SLC16A4: variants seen among roughly 807,000 people sequenced by gnomAD.
SLC16A4 encodes solute carrier family 16 member 4.
A neutral mutation model predicts 47.9 loss-of-function variants in SLC16A4; 39 were observed. That is an observed-to-expected ratio of 0.81 (90% CI 0.63 to 1.06). SLC16A4 has a LOEUF of 1.06. SLC16A4 is among the 50% of genes least tolerant of loss of function. The probability of loss-of-function intolerance (pLI) is 0.00; values close to 1 mark genes in which losing one functional copy is unlikely to be tolerated. For synonymous variants in SLC16A4, 189 were observed against 199.9 expected (o/e 0.95, Z 0.46); for missense variants, 524 against 573.8 (o/e 0.91, Z 0.89).
intron 8 of SLC16A4, among the ~76,000 whole-genome samples, chr1:110,368,980 AGTCTCGCCCTGTC>A (rs1486240426): frequency 3.5e-5 from 5 of 144,282 alleles, no homozygotes; most frequent in Non-Finnish European, 6.0e-5. Context: ...TTTGAGATGG[AGTCTCGCCCTGTC>A]GCCCAGGCTG....
At chr1:110,382,585 T>C (rs1662467295) in intron 3 of SLC16A4, among the ~76,000 whole-genome samples, 1 of 152,218 alleles carries the variant, frequency 6.6e-6, no homozygotes, top group African/African-American at 2.4e-5. Flanking sequence ...GGAAAGGCAA[T>C]GCATGAAATA....
intron 3 of SLC16A4, among the ~76,000 whole-genome samples, chr1:110,382,574 T>C (rs551861919): frequency 6.6e-6 from 1 of 152,324 alleles, no homozygotes; most frequent in African/African-American, 2.4e-5. Context: ...ATTAACAGAC[T>C]GGAAAGGCAA....
chr1:110,382,978 C>A lies in SLC16A4; in HGVS notation c.88-12G>T. 6.3e-7 allele frequency: 1 copy of A among 1,591,150 alleles called. No homozygotes were observed. The stretch of plus-strand genomic sequence containing the variant: ...ACAAACACATTCACCTAAATCAAAG[C>A]AGACCAGAGTCCAACTCAGGTGGTA... On this transcript the variant is annotated splice_polypyrimidine_tract_variant and intron_variant, in intron 2 of 8. Coordinates refer to ENST00000369779, the MANE Select transcript of SLC16A4 (RefSeq NM_004696.3).
intron 1 of SLC16A4, 123 bp from the exon 2 acceptor site, chr1:110,389,478 G>A (rs1244534597): frequency 1.5e-6 from 1 of 663,888 alleles, no homozygotes; most frequent in African/African-American, 1.8e-5. Flanking sequence ...CAGCCACTGT[G>A]CAACGCAGTT....
chr1:110,386,206 C>T (rs935153813), intron 2 of SLC16A4, among the ~76,000 whole-genome samples: 3 of 152,168 alleles, frequency 2.0e-5, no homozygotes, highest in East Asian at 1.9e-4. Flanking sequence ...TAACTGAGTC[C>T]GTGTCCACTA....
chr1:110,376,904 G>A, intron 7 of SLC16A4, 46 bp downstream of exon 7: 1 of 1,475,618 alleles, frequency 6.8e-7, no homozygotes, highest in South Asian at 1.2e-5. Flanking sequence ...ACTGATACTT[G>A]CTTTTACTAA....
intron 2 of SLC16A4, 111 bp downstream of exon 2, chr1:110,389,126 A>C (rs1263925396): frequency 1.0e-6 from 1 of 956,428 alleles, no homozygotes; most frequent in Non-Finnish European, 1.7e-6. Context: ...CCACCCCTCC[A>C]CTCAGATGCC....
chr1:110,377,497 A>C (rs1450625366), intron 6 of SLC16A4, among the ~76,000 whole-genome samples: 2 of 152,188 alleles, frequency 1.3e-5, no homozygotes, highest in African/African-American at 4.8e-5. Flanking sequence ...TTCGTCTAAG[A>C]GGTCCTGCAA....
chr1:110,381,721 C>T lies in SLC16A4; in HGVS notation c.295G>A (p.Gly99Ser). The T allele has an allele frequency of 6.2e-7, 1 of 1,613,720 alleles. No homozygotes were observed. The highest frequency in any genetic ancestry group is 1.1e-5 in the South Asian group (1 of 90,996). Reference sequence around the variant, plus strand: ...GCCCAGCTGCTGATCAGATATCCACCAGTAACAACGAAAGCCCCAAGAATG... The same window carrying T: ...GCCCAGCTGCTGATCAGATATCCACTAGTAACAACGAAAGCCCCAAGAATG... ...TSILGAFVVT[G>S]GYLISSWATS... Residue 99 changes from glycine to serine, a missense_variant, in exon 4 of 9, where the codon GGT (glycine) becomes AGT (serine). Gly to Ser is a moderately conservative substitution (Grantham distance 56). Coordinates refer to ENST00000369779, the MANE Select transcript of SLC16A4 (RefSeq NM_004696.3).
At chr1:110,383,838 C>A (rs2018431) in intron 2 of SLC16A4, among the ~76,000 whole-genome samples, 3 of 99,710 alleles carry the variant, frequency 3.0e-5, no homozygotes. Flanking sequence ...TTTTTGGAAA[C>A]GGCTGTTAGT....
At chr1:110,369,117 G>C (rs972027153) in intron 8 of SLC16A4, among the ~76,000 whole-genome samples, 7 of 151,888 alleles carry the variant, frequency 4.6e-5, no homozygotes, top group African/African-American at 1.7e-4. Context: ...ACTACGCCCA[G>C]CTAATTTTTG....
Position 110,363,629 on chromosome 1 carries a change from A to AAG in SLC16A4, c.*136_*137insCT. ...CGAAAGAGCGAGACTCCGTCTCAAAAAAAAAAAAAAAAAAATTGTTTTCCT... is the reference window on the plus strand; with the variant it reads ...CGAAAGAGCGAGACTCCGTCTCAAAAAGAAAAAAAAAAAAAAATTGTTTTCCT... On this transcript the variant is annotated 3_prime_UTR_variant, in exon 9 of 9. Transcript: ENST00000369779. 1 of 879,910 alleles carries AAG rather than the reference A, an allele frequency of 1.1e-6. No homozygotes were observed. Among genetic ancestry groups the AAG allele is most frequent in the Non-Finnish European group, 1.6e-6 (1 of 636,318 alleles). The allele number at this position is 879,910 out of a possible 1,614,324, so 54.5% of individuals were successfully genotyped here.
intron 2 of SLC16A4, among the ~76,000 whole-genome samples, chr1:110,388,283 G>A (rs1399042541): frequency 6.6e-6 from 1 of 152,198 alleles, no homozygotes; most frequent in Non-Finnish European, 1.5e-5. Flanking sequence ...CCCTGGGAGG[G>A]TGAGGGAAAG....
chr1:110,382,038 G>A (rs558123834), intron 3 of SLC16A4, among the ~76,000 whole-genome samples: 6 of 152,288 alleles, frequency 3.9e-5, no homozygotes, highest in South Asian at 2.1e-4. Context: ...GAGGGGAGGT[G>A]ATTTGAAATG....
At chr1:110,384,395 C>A (rs1211329035) in intron 2 of SLC16A4, among the ~76,000 whole-genome samples, 5 of 152,202 alleles carry the variant, frequency 3.3e-5, no homozygotes, top group Non-Finnish European at 7.3e-5. Flanking sequence ...GGGCCAGGGG[C>A]CCCATCCTTT....
chr1:110,370,452 T>C (rs1017288128), intron 8 of SLC16A4: 3 of 152,174 alleles, frequency 2.0e-5, no homozygotes, highest in Non-Finnish European at 2.9e-5. Context: ...GGAATTTTTG[T>C]TTAATACTGT....
chr1:110,369,472 C>T (rs372701192), intron 8 of SLC16A4, among the ~76,000 whole-genome samples: 10 of 152,008 alleles, frequency 6.6e-5, no homozygotes, highest in African/African-American at 1.2e-4. Flanking sequence ...TGGTGGCACA[C>T]GCCTGTAGTC....
intron 8 of SLC16A4, among the ~76,000 whole-genome samples, chr1:110,366,181 CAG>C (rs1252782191): frequency 6.6e-6 from 1 of 151,482 alleles, no homozygotes; most frequent in Non-Finnish European, 1.5e-5. Flanking sequence ...TTTTTTGAGA[CAG>C]AGCCTCGCTC....
intron 6 of SLC16A4, among the ~76,000 whole-genome samples, 171 bp downstream of exon 6, chr1:110,378,682 C>G (rs1226602671): frequency 6.6e-6 from 1 of 152,218 alleles, no homozygotes; most frequent in Non-Finnish European, 1.5e-5. Flanking sequence ...TGACAGAGAT[C>G]TCTTCCTGGG....
Sources: allele counts gnomAD v4.1 joint callset (sites outside exome capture counted in the v4.1 genomes callset), GRCh38; gene constraint gnomAD v4.1.1; transcripts MANE v1.5; gene names NCBI Gene and HGNC (gene_info 2026-07-23, HGNC 2026-07-21).